CNTN3: variants seen among roughly 807,000 people sequenced by gnomAD.
The protein encoded by CNTN3 is contactin 3, also known as contactin-3.
Under a neutral mutation model 119.1 loss-of-function variants are expected in CNTN3, and 60 were observed. That is an observed-to-expected ratio of 0.50 (90% confidence interval 0.41 to 0.62). CNTN3 has a LOEUF of 0.62. Ranked by LOEUF, CNTN3 falls within the 20% of genes least tolerant of loss-of-function variation. The pLI is 0.00. For missense variants in CNTN3, 1,101 were observed against 1,242.4 expected, an observed-to-expected ratio of 0.89 and a Z score of 1.71; for synonymous variants, 450 against 438.7, an observed-to-expected ratio of 1.03 and a Z score of -0.32.
chr3:74,468,993 G>A (rs554722601), intron 4 of CNTN3, among the ~76,000 whole-genome samples: 27 of 151,918 alleles, frequency 1.8e-4, no homozygotes, highest in Non-Finnish European at 3.1e-4. Flanking sequence ...GTGATACTTG[G>A]GAAAATCTCA....
intron 1 of CNTN3, among the ~76,000 whole-genome samples, chr3:74,575,606 A>ACACACACACACACACAC (rs60119036): frequency 1.5e-5 from 2 of 135,098 alleles, no homozygotes; most frequent in Non-Finnish European, 3.1e-5. Flanking sequence ...AGTCTCTCCC[A>ACACACACACACACACAC]ACACACACAC....
chr3:74,468,152 G>A (rs975035089), intron 4 of CNTN3, among the ~76,000 whole-genome samples: 10 of 152,106 alleles, frequency 6.6e-5, no homozygotes, highest in African/African-American at 2.2e-4. Flanking sequence ...CAATTTGAAA[G>A]GAATCAGAAT....
chr3:74,611,076 G>C (rs73839615), intron 1 of CNTN3, among the ~76,000 whole-genome samples: 1 of 152,254 alleles, frequency 6.6e-6, no homozygotes, highest in African/African-American at 2.4e-5. Flanking sequence ...AAATTTACAA[G>C]CTGAGTTATA....
intron 5 of CNTN3, among the ~76,000 whole-genome samples, chr3:74,399,565 C>A (rs917288205): frequency 2.6e-5 from 4 of 152,002 alleles, no homozygotes; most frequent in Middle Eastern, 3.2e-3. Context: ...CCAGTTGATT[C>A]CCTGTCTTTG....
At chr3:74,327,023 T>C (rs1312735747) in intron 13 of CNTN3, among the ~76,000 whole-genome samples, 4 of 152,092 alleles carry the variant, frequency 2.6e-5, no homozygotes, top group East Asian at 1.9e-4. Flanking sequence ...ATCGAGAATA[T>C]TGTGGTTTGT....
chr3:74,397,146 A>T (rs1705076946), intron 5 of CNTN3, among the ~76,000 whole-genome samples: 2 of 152,160 alleles, frequency 1.3e-5, no homozygotes, highest in South Asian at 4.1e-4. Flanking sequence ...CATTCCAAAA[A>T]TCCTAGGGTT....
At chr3:74,381,654 A>G (rs1017561695) in intron 5 of CNTN3, among the ~76,000 whole-genome samples, 1 of 152,162 alleles carries the variant, frequency 6.6e-6, no homozygotes, top group Non-Finnish European at 1.5e-5. Flanking sequence ...CCCCTACACT[A>G]TCTTTCCAAT....
intron 4 of CNTN3, among the ~76,000 whole-genome samples, chr3:74,425,894 T>C (rs1474554921): frequency 6.6e-6 from 1 of 152,126 alleles, no homozygotes; most frequent in Non-Finnish European, 1.5e-5. Context: ...ATTCAAAGGA[T>C]AACAGTAATT....
intron 4 of CNTN3, among the ~76,000 whole-genome samples, chr3:74,440,266 C>T (rs186628184): frequency 1.9e-3 from 292 of 152,208 alleles, no homozygotes; most frequent in Middle Eastern, 3.4e-3. Context: ...CACTGCTTCG[C>T]ACATATTATA....
At chr3:74,295,453 G>T (rs773116183) in intron 18 of CNTN3, among the ~76,000 whole-genome samples, 11 of 152,122 alleles carry the variant, frequency 7.2e-5, no homozygotes, top group Non-Finnish European at 1.6e-4. Flanking sequence ...AACAGCTGTG[G>T]CAACCTATAC....
chr3:74,602,151 C>T (rs1159454212), intron 1 of CNTN3, among the ~76,000 whole-genome samples: 1 of 151,488 alleles, frequency 6.6e-6, no homozygotes, highest in Non-Finnish European at 1.5e-5. Flanking sequence ...TAGCCAGGCA[C>T]GGTGGTGCAT....
chr3:74,302,542 CT>C, intron 14 of CNTN3, 147 bp downstream of exon 14: 1 of 565,156 alleles, frequency 1.8e-6, no homozygotes, highest in Middle Eastern at 3.4e-4. Flanking sequence ...GCACTCACCC[CT>C]ATTGTCATAT....
intron 1 of CNTN3, among the ~76,000 whole-genome samples, chr3:74,550,602 ACTCATAG>A (rs2107159527): frequency 6.6e-6 from 1 of 152,198 alleles, no homozygotes; most frequent in African/African-American, 2.4e-5. Flanking sequence ...GCAGTGGTGC[ACTCATAG>A]CTCACTACAG....
intron 1 of CNTN3, among the ~76,000 whole-genome samples, chr3:74,556,262 A>G (rs894437334): frequency 1.1e-4 from 17 of 152,086 alleles, no homozygotes; most frequent in Non-Finnish European, 2.2e-4. Context: ...TCTAATTTTC[A>G]TCACTCCACA....
At chr3:74,497,636 T>C (rs1703088403) in intron 3 of CNTN3, among the ~76,000 whole-genome samples, 1 of 150,100 alleles carries the variant, frequency 6.7e-6, no homozygotes, top group Non-Finnish European at 1.5e-5. Context: ...ATCTGCTCTA[T>C]TTGGCTACAA....
At chr3:74,499,060 A>AT (rs961269497) in intron 3 of CNTN3, among the ~76,000 whole-genome samples, 59 of 82,388 alleles carry the variant, frequency 7.2e-4, no homozygotes, top group Non-Finnish European at 8.3e-4. Flanking sequence ...GGGAGTATGG[A>AT]TTTTTTTTTC....
chr3:74,348,944 G>A (rs1246959301), intron 11 of CNTN3, among the ~76,000 whole-genome samples: 1 of 151,930 alleles, frequency 6.6e-6, no homozygotes, highest in Non-Finnish European at 1.5e-5. Flanking sequence ...AAATTACCAA[G>A]GTGTGGTAGC....
At chr3:74,412,565 G>T (rs868182103) in intron 5 of CNTN3, among the ~76,000 whole-genome samples, 1 of 152,118 alleles carries the variant, frequency 6.6e-6, no homozygotes, top group Admixed American at 6.6e-5. Flanking sequence ...TAATCCCTCA[G>T]ATTGCTAAGT....
intron 1 of CNTN3, among the ~76,000 whole-genome samples, chr3:74,571,726 A>G (rs150213633): frequency 2.1e-3 from 320 of 152,336 alleles, no homozygotes; most frequent in African/African-American, 7.4e-3. Flanking sequence ...TTTAGATTAC[A>G]TATATTAGAA....
Sources: gnomAD v4.1 joint callset for allele counts (sites outside exome capture counted in the v4.1 genomes callset) on GRCh38, gnomAD v4.1.1 for gene constraint, MANE v1.5 for transcripts, NCBI Gene and HGNC (gene_info 2026-07-23, HGNC 2026-07-21) for gene names.